AGBL1: variants seen among roughly 807,000 people sequenced by gnomAD.
The protein encoded by AGBL1 is cytosolic carboxypeptidase 4.
A neutral mutation model predicts 118.9 loss-of-function variants in AGBL1; 130 were observed. The observed-to-expected ratio is 1.09, with a 90% CI of 0.95 to 1.26. The LOEUF (loss-of-function observed/expected upper bound fraction) is 1.26, where lower values mean the gene tolerates loss of function less well. Among genes scored for constraint, AGBL1 ranks in the 50% most tolerant of loss-of-function variants. AGBL1 has a pLI of 0.00. For synonymous variants in AGBL1, 555 were observed against 478.9 expected, an observed-to-expected ratio of 1.16 and a Z score of -2.08; for missense variants, 1,584 against 1,298.1, an observed-to-expected ratio of 1.22 and a Z score of -3.38.
At chr15:86,327,573 C>T (rs2080202383) in intron 17 of AGBL1, among the ~76,000 whole-genome samples, 1 of 152,178 alleles carries the variant, frequency 6.6e-6, no homozygotes, top group African/African-American at 2.4e-5. Flanking sequence ...GGCATATGTG[C>T]CCAGCAGAAG....
At chr15:86,682,664 C>A (rs1028899896) in intron 22 of AGBL1, among the ~76,000 whole-genome samples, 1 of 152,084 alleles carries the variant, frequency 6.6e-6, no homozygotes, top group Non-Finnish European at 1.5e-5. Flanking sequence ...GTACTTATTT[C>A]TCCACAAAAT....
intron 21 of AGBL1, among the ~76,000 whole-genome samples, chr15:86,671,423 A>G (rs1478351968): frequency 6.6e-6 from 1 of 152,216 alleles, no homozygotes; most frequent in African/African-American, 2.4e-5. Flanking sequence ...ACTTTGTGTT[A>G]CTGTCTGTGG....
intron 17 of AGBL1, among the ~76,000 whole-genome samples, chr15:86,346,406 G>T (rs544396776): frequency 6.6e-6 from 1 of 151,692 alleles, no homozygotes; most frequent in South Asian, 2.1e-4. Flanking sequence ...GGGTGCAGTG[G>T]CGTGATCTCG....
At chr15:86,205,313 C>G (rs868726419) in intron 5 of AGBL1, among the ~76,000 whole-genome samples, 1 of 152,144 alleles carries the variant, frequency 6.6e-6, no homozygotes, top group Admixed American at 6.5e-5. Flanking sequence ...GAATAACATT[C>G]CATTGTCAGG....
intron 21 of AGBL1, among the ~76,000 whole-genome samples, chr15:86,563,504 G>C (rs573222054): frequency 9.1e-4 from 138 of 151,788 alleles, no homozygotes; most frequent in Non-Finnish European, 1.8e-3. Context: ...TGTGGTCTGA[G>C]AGACAGTTTG....
At chr15:86,453,131 G>A (rs147464862) in intron 18 of AGBL1, among the ~76,000 whole-genome samples, 1,621 of 152,208 alleles carry the variant, frequency 0.011, 35 homozygotes, top group African/African-American at 0.037. Context: ...TCTTGTCTGC[G>A]ACTCTATCCT....
chr15:86,502,685 G>T (rs1392735907), intron 18 of AGBL1, among the ~76,000 whole-genome samples: 1 of 150,290 alleles, frequency 6.7e-6, no homozygotes, highest in African/African-American at 2.4e-5. Flanking sequence ...GATTGTGTTT[G>T]TCTTTTATTC....
At chr15:87,016,926 C>T (rs1361732193) in intron 24 of AGBL1, among the ~76,000 whole-genome samples, 1 of 152,156 alleles carries the variant, frequency 6.6e-6, no homozygotes, top group Non-Finnish European at 1.5e-5. Context: ...CACTGGGGCA[C>T]ACACAGAGAC....
At chr15:86,690,640 T>G (rs2086148236) in intron 22 of AGBL1, among the ~76,000 whole-genome samples, 1 of 152,156 alleles carries the variant, frequency 6.6e-6, no homozygotes, top group Non-Finnish European at 1.5e-5. Flanking sequence ...TAGGTTTTTA[T>G]TTGTTTAAGG....
chr15:86,233,534 C>G (rs1213680120), intron 6 of AGBL1, among the ~76,000 whole-genome samples: 4 of 152,108 alleles, frequency 2.6e-5, no homozygotes, highest in Non-Finnish European at 5.9e-5. Flanking sequence ...GAGAAACACC[C>G]AAAGAAGTTC....
chr15:86,859,745 A>G (rs2141477422), intron 22 of AGBL1, among the ~76,000 whole-genome samples: 1 of 152,226 alleles, frequency 6.6e-6, no homozygotes, highest in Non-Finnish European at 1.5e-5. Context: ...GGTGGGGAGC[A>G]CTCAGAGGCA....
intron 22 of AGBL1, among the ~76,000 whole-genome samples, chr15:86,871,373 A>G (rs1330438385): frequency 6.6e-6 from 1 of 152,184 alleles, no homozygotes; most frequent in Non-Finnish European, 1.5e-5. Flanking sequence ...TCACAAAACA[A>G]GCCTAAATGA....
chr15:86,465,785 A>G (rs1005510266), intron 18 of AGBL1, among the ~76,000 whole-genome samples: 4 of 152,190 alleles, frequency 2.6e-5, no homozygotes, highest in Admixed American at 2.6e-4. Context: ...ATGTTTATCA[A>G]TGACAATGTG....
chr15:86,439,520 A>G (rs1384134826), intron 18 of AGBL1, among the ~76,000 whole-genome samples: 1 of 152,206 alleles, frequency 6.6e-6, no homozygotes, highest in Non-Finnish European at 1.5e-5. Context: ...AAGGCTTAGT[A>G]TTTAATGTGT....
At chr15:86,797,836 G>T (rs569000211) in intron 22 of AGBL1, among the ~76,000 whole-genome samples, 20 of 152,286 alleles carry the variant, frequency 1.3e-4, no homozygotes, top group African/African-American at 4.6e-4. Flanking sequence ...GGAGGCCTTA[G>T]AATAAGATCA....
In AGBL1 at chr15:86,286,735, G is replaced by GTGTATATATATA; in HGVS notation, c.2220+6953_2220+6954insGTATATATATAT. 1.9e-4 allele frequency among the ~76,000 whole-genome samples: 20 copies of GTGTATATATATA among 106,288 alleles called. 1 individual carries two copies. Among genetic ancestry groups the GTGTATATATATA allele is most frequent in the Non-Finnish European group, 2.8e-4 (14 of 49,470 alleles). 69.7% of individuals were successfully genotyped at this position (106,288 alleles called of 152,430 possible). ...TATATGTGTGTGTGTGTTTGTGTGT[G>GTGTATATATATA]TATATATATATATAAAACTCCATCA... On this transcript the variant is annotated intron_variant, in intron 16 of 22. Transcript: ENST00000614907.
At chr15:86,890,142 G>C (rs1279341000) in intron 22 of AGBL1, among the ~76,000 whole-genome samples, 2 of 152,162 alleles carry the variant, frequency 1.3e-5, no homozygotes, top group Non-Finnish European at 2.9e-5. Context: ...TTTCTCTAAT[G>C]ATCAGTGATG....
chr15:86,525,830 A>G (rs146810426), intron 19 of AGBL1, among the ~76,000 whole-genome samples: 1 of 152,278 alleles, frequency 6.6e-6, no homozygotes, highest in East Asian at 1.9e-4. Flanking sequence ...GAAGACTCCA[A>G]TTTATGGTGA....
chr15:86,578,225 T>C (rs1432506494), intron 21 of AGBL1, among the ~76,000 whole-genome samples: 1 of 152,332 alleles, frequency 6.6e-6, no homozygotes, highest in East Asian at 1.9e-4. Flanking sequence ...ATGTGAGACA[T>C]GGAGTCAAAG....
Sources: allele counts gnomAD v4.1 joint callset (sites outside exome capture counted in the v4.1 genomes callset), GRCh38; gene constraint gnomAD v4.1.1; transcripts MANE v1.5; gene names NCBI Gene and HGNC (gene_info 2026-07-23, HGNC 2026-07-21).